HHIP: variants seen among roughly 807,000 people sequenced by gnomAD.
The protein encoded by HHIP is hedgehog-interacting protein.
In HHIP, 12 loss-of-function variants were observed where a neutral mutation model predicts 74.0. That is an observed-to-expected ratio of 0.16 (90% CI 0.10 to 0.26). The LOEUF (loss-of-function observed/expected upper bound fraction) is 0.26, where lower values mean the gene tolerates loss of function less well. Among genes scored for constraint, HHIP ranks in the 10% least tolerant of loss-of-function variants. The pLI, the probability that HHIP is intolerant of heterozygous loss-of-function variation, is 1.00. For synonymous variants in HHIP, 309 were observed against 311.6 expected (o/e 0.99, Z 0.09); for missense variants, 788 against 845.0 (o/e 0.93, Z 0.84).
chr4:144,719,002 C>T (rs2276933), intron 11 of HHIP, 46 bp downstream of exon 11: 72,304 of 1,169,610 alleles, frequency 0.062, 5,646 homozygotes, highest in East Asian at 0.34. Context: ...TTTCTTCTTC[C>T]AATTATTTTA....
rs1420445750 is a variant in HHIP at position 144,738,278 on chromosome 4, G to A, written c.*321G>A. 3.0e-6 allele frequency: 3 copies of A among 984,566 alleles called. No homozygotes were observed. The South Asian group carries it at 1.4e-4, about 46-fold the overall frequency. 61.0% of individuals were successfully genotyped at this position (984,566 alleles called of 1,614,324 possible). On this transcript the variant is annotated 3_prime_UTR_variant, in exon 13 of 13. Transcript: ENST00000296575. Reference sequence around the variant, plus strand: ...ATGGATTTTTTATGTTACTAGAAGAGATTATTTGACTTCCCAGGAATTTTC... The same window carrying A: ...ATGGATTTTTTATGTTACTAGAAGAAATTATTTGACTTCCCAGGAATTTTC...
chr4:144,700,714 T>C (rs1383401648), intron 4 of HHIP, among the ~76,000 whole-genome samples: 11 of 152,326 alleles, frequency 7.2e-5, no homozygotes, highest in Admixed American at 6.5e-4. Flanking sequence ...AAATGGATTA[T>C]CTTCTAGCAC....
intron 4 of HHIP, among the ~76,000 whole-genome samples, chr4:144,675,389 A>G (rs1578691076): frequency 1.3e-5 from 2 of 152,090 alleles, no homozygotes; most frequent in Non-Finnish European, 2.9e-5. Context: ...CATTACGAGA[A>G]AGTTTTTATG....
intron 1 of HHIP, 59 bp from the exon 2 acceptor site, chr4:144,652,546 A>G: frequency 1.3e-5 from 14 of 1,056,666 alleles, no homozygotes; most frequent in Non-Finnish European, 2.0e-5. Flanking sequence ...AAATAATAAT[A>G]ATAGCTAAAC....
At chr4:144,708,365 G>A in intron 7 of HHIP, 54 bp downstream of exon 7, 2 of 1,587,568 alleles carry the variant, frequency 1.3e-6, no homozygotes, top group South Asian at 1.1e-5. Context: ...GGGGATCCGA[G>A]AACTGGGAAA....
rs918260008 is a variant in HHIP, at chr4:144,741,757, A to G, written c.*3800A>G. ...CTTACCAGGTATAAGGTTAGATGCT[A>G]CATCTAGGAGCATTCAAGATATACA... is the stretch of plus-strand genomic sequence containing the variant. On this transcript the variant is annotated 3_prime_UTR_variant, in exon 13 of 13. Transcript: ENST00000296575. 1.3e-5 allele frequency: 2 copies of G among 152,164 alleles called. No homozygotes were observed. Among genetic ancestry groups the G allele is most frequent in the African/African-American group, 4.8e-5 (2 of 41,426 alleles). 9.4% of individuals were successfully genotyped at this position (152,164 alleles called of 1,614,324 possible).
chr4:144,676,607 A>G (rs2055059), intron 4 of HHIP, among the ~76,000 whole-genome samples: 92,357 of 152,036 alleles, frequency 0.61, 28,180 homozygotes, highest in South Asian at 0.77. Flanking sequence ...GCAATGAACA[A>G]GGCCCATCTC....
intron 1 of HHIP, among the ~76,000 whole-genome samples, chr4:144,649,215 GC>G (rs1424304612): frequency 2.0e-5 from 3 of 149,730 alleles, no homozygotes; most frequent in African/African-American, 7.3e-5. Flanking sequence ...ATTTGAAAGG[GC>G]CCTTTTTTGT....
At chr4:144,719,882 T>G (rs968093937) in intron 11 of HHIP, among the ~76,000 whole-genome samples, 6 of 152,206 alleles carry the variant, frequency 3.9e-5, no homozygotes, top group Admixed American at 1.3e-4. Flanking sequence ...ACTCTAATAA[T>G]CTGAAAAGTT....
intron 10 of HHIP, among the ~76,000 whole-genome samples, chr4:144,717,030 A>G (rs533804840): frequency 1.3e-4 from 20 of 152,232 alleles, no homozygotes; most frequent in Middle Eastern, 3.4e-3. Flanking sequence ...AAATATCCCA[A>G]ATGTCTGTGT....
At chr4:144,700,483 A>G (rs1056807343) in intron 4 of HHIP, among the ~76,000 whole-genome samples, 1 of 152,190 alleles carries the variant, frequency 6.6e-6, no homozygotes, top group Non-Finnish European at 1.5e-5. Flanking sequence ...TAAGGTTGCA[A>G]TGGAATTAAG....
At chr4:144,657,326 A>G (rs1025268249) in intron 2 of HHIP, among the ~76,000 whole-genome samples, 20 of 152,184 alleles carry the variant, frequency 1.3e-4, no homozygotes, top group African/African-American at 4.8e-4. Context: ...GTTCTTAGAA[A>G]TCCTTGCTAA....
At chr4:144,733,659 G>A (rs545635358) in intron 11 of HHIP, among the ~76,000 whole-genome samples, 21 of 152,174 alleles carry the variant, frequency 1.4e-4, no homozygotes, top group East Asian at 3.9e-4. Context: ...TTGCTTGGCC[G>A]TCCTAATGCT....
At chr4:144,681,062 G>T (rs1729323834) in intron 4 of HHIP, among the ~76,000 whole-genome samples, 1 of 152,116 alleles carries the variant, frequency 6.6e-6, no homozygotes, top group South Asian at 2.1e-4. Flanking sequence ...AAAGTATCAT[G>T]AAAAATGTGA....
chr4:144,718,779 T>C, intron 10 of HHIP, 96 bp from the exon 11 acceptor site: 1 of 766,494 alleles, frequency 1.3e-6, no homozygotes, highest in Non-Finnish European at 2.3e-6. Context: ...TGTGGATAGA[T>C]GGAGATAGAT....
rs141293331 is a variant in HHIP, at chr4:144,718,748, T to C, written c.1679-127T>C. ...GCAGACATGTGAGACTCTTGCATAA[T>C]CTTTAGGCAAGTGATTTTCTTGTGG... On this transcript the variant is annotated intron_variant, in intron 10 of 12. Transcript: ENST00000296575. 830 of 691,224 alleles carry C rather than the reference T, an allele frequency of 1.2e-3. 9 individuals carry two copies. In the East Asian group the frequency reaches 0.02, roughly 16 times the overall value. 42.8% of individuals were successfully genotyped at this position (691,224 alleles called of 1,614,324 possible). A position where few individuals can be genotyped will look rare whatever the true frequency, so the allele number is the denominator to read the frequency against.
At chr4:144,713,885 T>C (rs1313941034) in intron 8 of HHIP, among the ~76,000 whole-genome samples, 2 of 152,006 alleles carry the variant, frequency 1.3e-5, no homozygotes, top group Admixed American at 6.6e-5. Context: ...TGTAAAGCCT[T>C]AAATGTTTTT....
Position 144,743,017 on chromosome 4 carries a change from TATATA to T in HHIP, c.*5066_*5070del, listed in dbSNP as rs1731307064. On this transcript the variant is annotated 3_prime_UTR_variant, in exon 13 of 13. Coordinates refer to ENST00000296575, the MANE Select transcript of HHIP (RefSeq NM_022475.3). ...ATATATAATATATATATATTATATA[TATATA>T]ATATATATCTTATATATATATATAT... The T allele has an allele frequency of 1.5e-5, 1 of 66,348 alleles. No individual in the cohort carries two copies. Among genetic ancestry groups the T allele is most frequent in the Non-Finnish European group, 3.2e-5 (1 of 31,722 alleles). The allele number at this position is 66,348 out of a possible 1,614,324, so 4.1% of individuals were successfully genotyped here.
At chr4:144,696,943 T>G (rs1729837059) in intron 4 of HHIP, among the ~76,000 whole-genome samples, 1 of 151,978 alleles carries the variant, frequency 6.6e-6, no homozygotes, top group Admixed American at 6.6e-5. Flanking sequence ...AAGCTTACAG[T>G]CTATTGGAGA....
Sources: gnomAD v4.1 joint callset for allele counts (sites outside exome capture counted in the v4.1 genomes callset) on GRCh38, gnomAD v4.1.1 for gene constraint, MANE v1.5 for transcripts, NCBI Gene and HGNC (gene_info 2026-07-23, HGNC 2026-07-21) for gene names.